CNTN5: variants seen among roughly 807,000 people sequenced by gnomAD.
CNTN5 encodes contactin-5.
Under a neutral mutation model 129.1 loss-of-function variants are expected in CNTN5, and 77 were observed. That is an observed-to-expected ratio of 0.60 (90% CI 0.50 to 0.72). The LOEUF (loss-of-function observed/expected upper bound fraction) is 0.72, where lower values mean the gene tolerates loss of function less well. CNTN5 is among the 30% of genes least tolerant of loss of function. CNTN5 has a pLI of 0.00. For synonymous variants in CNTN5, 509 were observed against 465.6 expected (o/e 1.09, Z -1.20); for missense variants, 1,478 against 1,328.8 (o/e 1.11, Z -1.75).
At chr11:99,907,798 AAGT>A (rs1162416754) in intron 6 of CNTN5, among the ~76,000 whole-genome samples, 11 of 152,078 alleles carry the variant, frequency 7.2e-5, no homozygotes, top group African/African-American at 2.6e-4. Flanking sequence ...GAAAGTTGTA[AAGT>A]TGTAAATAAG....
chr11:99,162,551 T>C (rs1860668734), intron 1 of CNTN5, among the ~76,000 whole-genome samples: 1 of 152,158 alleles, frequency 6.6e-6, no homozygotes, highest in Non-Finnish European at 1.5e-5. Context: ...TACTGACCAA[T>C]ACAGAAAGAA....
In CNTN5 at chr11:100,074,305, A is replaced by G. The variant is rs200108607; in HGVS notation, c.1580+11A>G. On this transcript the variant is annotated intron_variant, in intron 13 of 24. Transcript: ENST00000524871. ...TAGAGAAAACAAAAGGTTAGAATCT[A>G]TTTTATAATTCAAGTTCAACATTAG... 6.4e-7 allele frequency: 1 copy of G among 1,570,324 alleles called. No individual in the cohort carries two copies. The highest frequency in any genetic ancestry group is 8.6e-7 in the Non-Finnish European group (1 of 1,156,784).
intron 1 of CNTN5, among the ~76,000 whole-genome samples, chr11:99,210,608 A>C (rs1859720303): frequency 6.6e-6 from 1 of 152,238 alleles, no homozygotes; most frequent in East Asian, 1.9e-4. Context: ...TTGATTTCCC[A>C]TTCCCTGGTC....
intron 13 of CNTN5, among the ~76,000 whole-genome samples, chr11:100,089,968 A>G (rs927435524): frequency 6.6e-6 from 1 of 152,240 alleles, no homozygotes; most frequent in Non-Finnish European, 1.5e-5. Flanking sequence ...TGATGGGTTG[A>G]CAGGTGCAGC....
chr11:99,912,572 A>C (rs1233078439), intron 6 of CNTN5, among the ~76,000 whole-genome samples: 2 of 151,728 alleles, frequency 1.3e-5, no homozygotes, highest in Non-Finnish European at 2.9e-5. Flanking sequence ...AATATGGCTC[A>C]AATCTCATAT....
intron 4 of CNTN5, among the ~76,000 whole-genome samples, chr11:99,830,406 T>G (rs1363807597): frequency 6.6e-6 from 1 of 152,144 alleles, no homozygotes; most frequent in Non-Finnish European, 1.5e-5. Context: ...TTGGCTAAAT[T>G]TTATCATGAA....
At chr11:99,951,663 T>C (rs1950680144) in intron 7 of CNTN5, among the ~76,000 whole-genome samples, 1 of 152,134 alleles carries the variant, frequency 6.6e-6, no homozygotes, top group African/African-American at 2.4e-5. Context: ...GATAGTACCT[T>C]TGTAAAAATG....
intron 8 of CNTN5, among the ~76,000 whole-genome samples, chr11:99,966,376 T>C (rs932788157): frequency 2.0e-5 from 3 of 152,184 alleles, no homozygotes; most frequent in Non-Finnish European, 4.4e-5. Context: ...TTAAGAGATG[T>C]GATGGCATTG....
chr11:99,497,259 G>A (rs906869732), intron 2 of CNTN5, among the ~76,000 whole-genome samples: 8 of 152,298 alleles, frequency 5.3e-5, no homozygotes, highest in East Asian at 1.9e-4. Context: ...TAGTAAACCC[G>A]TATGTTTCTA....
intron 3 of CNTN5, among the ~76,000 whole-genome samples, chr11:99,620,223 AAG>A (rs1950897585): frequency 6.6e-6 from 1 of 152,024 alleles, no homozygotes; most frequent in East Asian, 1.9e-4. Context: ...GCTTGTCCTC[AAG>A]GCTGAGTATA....
chr11:99,853,409 A>T (rs1041242232), intron 6 of CNTN5, among the ~76,000 whole-genome samples: 8 of 130,830 alleles, frequency 6.1e-5, no homozygotes, highest in Non-Finnish European at 1.0e-4. Flanking sequence ...GTATATATAT[A>T]TTTTTTTGAG....
At chr11:99,784,795 G>GGTTT (rs1565528297) in intron 3 of CNTN5, among the ~76,000 whole-genome samples, 5 of 93,928 alleles carry the variant, frequency 5.3e-5, no homozygotes, top group Non-Finnish European at 6.2e-5. Context: ...ATCTCATTGT[G>GGTTT]TTTTTTTTTT....
At chr11:99,276,904 A>G (rs1863463343) in intron 1 of CNTN5, among the ~76,000 whole-genome samples, 2 of 151,804 alleles carry the variant, frequency 1.3e-5, no homozygotes, top group South Asian at 2.1e-4. Context: ...ATATTTGCAC[A>G]TAATACTTTT....
At chr11:99,307,241 TCG>T (rs1864918578) in intron 1 of CNTN5, among the ~76,000 whole-genome samples, 5 of 152,192 alleles carry the variant, frequency 3.3e-5, no homozygotes, top group Admixed American at 3.3e-4. Flanking sequence ...AAGGATTAAT[TCG>T]TTCAAGTTAA....
intron 2 of CNTN5, among the ~76,000 whole-genome samples, chr11:99,459,421 T>C (rs74980353): frequency 0.012 from 1,846 of 152,046 alleles, 39 homozygotes; most frequent in African/African-American, 0.042. Context: ...ATTTTTTAAG[T>C]AGTAAGACTA....
intron 1 of CNTN5, among the ~76,000 whole-genome samples, chr11:99,311,759 G>C (rs995884719): frequency 6.6e-6 from 1 of 152,100 alleles, no homozygotes; most frequent in Non-Finnish European, 1.5e-5. Context: ...ATGCTAGTTT[G>C]TTGTAGTATT....
chr11:100,094,659 A>G (rs548017783), intron 13 of CNTN5, among the ~76,000 whole-genome samples: 1 of 151,808 alleles, frequency 6.6e-6, no homozygotes, highest in South Asian at 2.1e-4. Context: ...GGGAGGGTGG[A>G]AAGAAAGAAG....
At chr11:99,276,683 T>TA (rs760612196) in intron 1 of CNTN5, among the ~76,000 whole-genome samples, 15 of 151,594 alleles carry the variant, frequency 9.9e-5, no homozygotes, top group South Asian at 4.1e-4. Context: ...GTAGTAGTGG[T>TA]AAAAAAAGTA....
At chr11:99,158,637 T>C (rs890239422) in intron 1 of CNTN5, among the ~76,000 whole-genome samples, 3 of 152,154 alleles carry the variant, frequency 2.0e-5, no homozygotes, top group Non-Finnish European at 4.4e-5. Context: ...ATTGTTCTAA[T>C]GAACACATCA....
Sources: gnomAD v4.1 joint callset for allele counts (sites outside exome capture counted in the v4.1 genomes callset) on GRCh38, gnomAD v4.1.1 for gene constraint, MANE v1.5 for transcripts, NCBI Gene and HGNC (gene_info 2026-07-23, HGNC 2026-07-21) for gene names.